The following SLC22A25 variants were observed in gnomAD, a reference collection of about 807,000 sequenced individuals.
SLC22A25 encodes MGI:2442751, MGI:2385316, MGI:3042283, MGI:3645714, MGI:3605624, MGI:2442750.
SLC22A25 carries 44 observed loss-of-function variants against 45.9 expected under a neutral mutation model. That is an observed-to-expected ratio of 0.96 (90% confidence interval 0.75 to 1.23). SLC22A25 has a LOEUF of 1.23. SLC22A25 is among the 50% of genes most tolerant of loss of function. SLC22A25 has a pLI of 0.00. For missense variants in SLC22A25, 800 were observed against 666.4 expected (o/e 1.20, Z -2.21); for synonymous variants, 283 against 238.6 (o/e 1.19, Z -1.72).
chr11:63,194,086 A>T (rs2088914233), intron 7 of SLC22A25, among the ~76,000 whole-genome samples: 1 of 152,216 alleles, frequency 6.6e-6, no homozygotes, highest in Non-Finnish European at 1.5e-5. Context: ...CAAATGAATG[A>T]AATGAAGTGA....
intron 3 of SLC22A25, among the ~76,000 whole-genome samples, chr11:63,234,642 A>T (rs147038375): frequency 2.0e-5 from 3 of 152,108 alleles, no homozygotes; most frequent in East Asian, 3.9e-4. Flanking sequence ...TTTACATTTA[A>T]GGTTAGTATT....
intron 9 of SLC22A25, among the ~76,000 whole-genome samples, chr11:63,177,500 A>T (rs1441985923): frequency 6.6e-6 from 1 of 151,614 alleles, no homozygotes; most frequent in African/African-American, 2.4e-5. Flanking sequence ...ACTAGATCTT[A>T]TTTTTTCTAT....
chr11:63,194,000 A>G (rs1323417060), intron 7 of SLC22A25, among the ~76,000 whole-genome samples: 1 of 152,236 alleles, frequency 6.6e-6, no homozygotes, highest in Admixed American at 6.5e-5. Flanking sequence ...CCATGGCATG[A>G]GAACTACGAG....
At chr11:63,197,619 C>T (rs2089091250) in intron 7 of SLC22A25, among the ~76,000 whole-genome samples, 1 of 152,160 alleles carries the variant, frequency 6.6e-6, no homozygotes, top group South Asian at 2.1e-4. Flanking sequence ...ACCATAAAAA[C>T]CCTAGAAGAA....
In SLC22A25 at chr11:63,211,612, A is replaced by T. The variant is rs140544066; in HGVS notation, c.830+5702T>A. ...TTGGTGCTGGGAAAATTGGCTAGCC[A>T]TATGTAGAAAGCTGAAACTGGATCC... is the stretch of plus-strand genomic sequence containing the variant. On this transcript the variant is annotated intron_variant, in intron 7 of 11. Coordinates refer to ENST00000306494, the MANE Select transcript of SLC22A25 (RefSeq NM_199352.6). Among the ~76,000 whole-genome samples, 534 of 152,288 alleles carry T rather than the reference A, an allele frequency of 3.5e-3. 3 individuals are homozygous for T. Among genetic ancestry groups the T allele is most frequent in the African/African-American group, 0.012 (478 of 41,550 alleles).
At position 63,183,807 on chromosome 11, in the gene SLC22A25, C is replaced by T. The variant is rs566536396; in HGVS notation, c.841G>A (p.Glu281Lys). Residue 281 changes from glutamate to lysine, a missense_variant, in exon 8 of 12, where the codon GAG becomes AAG. Glu to Lys is a moderately conservative substitution (Grantham distance 56). Transcript: ENST00000306494. Reference sequence around the variant, plus strand: ...TTGATAATGAGCCACCGAGCAGACTCTGCCAGCCACCTGAGCAAAGAAGAG... The same window carrying T: ...TTGATAATGAGCCACCGAGCAGACTTTGCCAGCCACCTGAGCAAAGAAGAG... ...VFFLFSRWLA[E>K]SARWLIINNK... 2 of 1,613,052 alleles carry T rather than the reference C, an allele frequency of 1.2e-6. No homozygotes were observed. Among genetic ancestry groups the T allele is most frequent in the Non-Finnish European group, 1.7e-6 (2 of 1,179,296 alleles).
chr11:63,229,126 A>T, intron 4 of SLC22A25, 125 bp downstream of exon 4: 2 of 1,013,120 alleles, frequency 2.0e-6, no homozygotes, highest in Non-Finnish European at 2.8e-6. Flanking sequence ...AGAAGCAATT[A>T]ATGTTTCCTG....
chr11:63,171,126 A>G (rs1365635647), intron 9 of SLC22A25, among the ~76,000 whole-genome samples: 3 of 152,218 alleles, frequency 2.0e-5, no homozygotes, highest in Admixed American at 1.3e-4. Context: ...TTCATGGTAA[A>G]CTACTCAATA....
intron 7 of SLC22A25, among the ~76,000 whole-genome samples, chr11:63,204,512 T>G (rs1302044011): frequency 1.3e-5 from 2 of 152,144 alleles, no homozygotes; most frequent in East Asian, 3.8e-4. Flanking sequence ...TCCCAGTCTC[T>G]GATAAAACAG....
chr11:63,186,063 A>C (rs1590815829), intron 7 of SLC22A25, among the ~76,000 whole-genome samples: 1 of 151,498 alleles, frequency 6.6e-6, no homozygotes, highest in African/African-American at 2.4e-5. Flanking sequence ...ATACCCAGTA[A>C]TGGGATGGCT....
chr11:63,221,615 A>G (rs117398094), intron 5 of SLC22A25, among the ~76,000 whole-genome samples: 2,348 of 152,060 alleles, frequency 0.015, 32 homozygotes, highest in Middle Eastern at 0.044. Context: ...TTTGTTGTAC[A>G]GAAGTTTTTT....
chr11:63,221,915 C>T (rs1199567101), intron 5 of SLC22A25, among the ~76,000 whole-genome samples: 1 of 151,914 alleles, frequency 6.6e-6, no homozygotes, highest in Non-Finnish European at 1.5e-5. Flanking sequence ...GTTTTTGGCA[C>T]CTTTGTTGAT....
rs1355987276 is a variant in SLC22A25 at position 63,186,473 on chromosome 11, A to T, written c.831-2656T>A. Among the ~76,000 whole-genome samples the T allele has an allele frequency of 1.8e-4, 27 of 149,408 alleles. No individual in the cohort carries two copies. In the East Asian group the frequency reaches 5.3e-3, roughly 29 times the overall value. ...TTTGTCAGATGAGTAGATTGCAAAA[A>T]TTTTCTCCCATTCTGTAGGTTGCCT... On this transcript the variant is annotated intron_variant, in intron 7 of 11. Transcript: ENST00000306494.
intron 7 of SLC22A25, among the ~76,000 whole-genome samples, chr11:63,196,885 G>A (rs971882177): frequency 2.0e-5 from 3 of 152,156 alleles, no homozygotes; most frequent in African/African-American, 7.2e-5. Context: ...ATCTCCTTAA[G>A]CTGATAAGCA....
chr11:63,241,796 C>A (rs565352461), intron 1 of SLC22A25, among the ~76,000 whole-genome samples: 2 of 152,304 alleles, frequency 1.3e-5, no homozygotes, highest in African/African-American at 4.8e-5. Flanking sequence ...AGGGTATGCA[C>A]TGAGGTGAGG....
At chr11:63,205,714 C>T (rs2089382637) in intron 7 of SLC22A25, among the ~76,000 whole-genome samples, 1 of 152,194 alleles carries the variant, frequency 6.6e-6, no homozygotes, top group African/African-American at 2.4e-5. Context: ...CAGCCGAATT[C>T]TACCAGAGGT....
chr11:63,165,931 TC>T, intron 10 of SLC22A25, 112 bp downstream of exon 10: 1 of 1,301,024 alleles, frequency 7.7e-7, no homozygotes. Flanking sequence ...TATCAGGGAA[TC>T]CTGAGAACTC....
rs2087564073 is a variant in SLC22A25, at chr11:63,163,135, A to G, written c.*689T>C. Among the ~76,000 whole-genome samples the G allele has an allele frequency of 6.6e-6, 1 of 152,188 alleles. No homozygotes were observed. The highest frequency in any genetic ancestry group is 1.5e-5 in the Non-Finnish European group (1 of 68,026). On this transcript the variant is annotated 3_prime_UTR_variant, in exon 12 of 12. Transcript: ENST00000306494. ...TTGTGTAAACCTTGTGAAGTAAAAA[A>G]CCAAGCTCCCAGCCTAGGATCTGGG...
chr11:63,203,028 G>T (rs2089294966), intron 7 of SLC22A25, among the ~76,000 whole-genome samples: 1 of 152,168 alleles, frequency 6.6e-6, no homozygotes, highest in Non-Finnish European at 1.5e-5. Context: ...GTCTGGAGTG[G>T]ACCTCCAGCA....
Sources: gnomAD v4.1 joint callset for allele counts (sites outside exome capture counted in the v4.1 genomes callset) on GRCh38, gnomAD v4.1.1 for gene constraint, MANE v1.5 for transcripts, NCBI Gene and HGNC (gene_info 2026-07-23, HGNC 2026-07-21) for gene names.